Variants in SH3PXD2A observed in about 807,000 individuals in gnomAD.
SH3PXD2A encodes SH3 and PX domains 2A.
Under a neutral mutation model 115.2 loss-of-function variants are expected in SH3PXD2A, and 32 were observed. The ratio of observed to expected loss-of-function variants is 0.28; its 90% CI spans 0.21 to 0.37. The LOEUF (loss-of-function observed/expected upper bound fraction) is 0.37. Ranked by LOEUF, SH3PXD2A falls within the 10% of genes least tolerant of loss-of-function variation. The pLI, the probability that SH3PXD2A is intolerant of heterozygous loss-of-function variation, is 1.00. For missense variants in SH3PXD2A, 1,328 were observed against 1,498.7 expected (o/e 0.89, Z 1.88); for synonymous variants, 610 against 629.1 (o/e 0.97, Z 0.45).
chr10:103,687,777 T>C (rs1182533445), intron 6 of SH3PXD2A, among the ~76,000 whole-genome samples: 3 of 152,184 alleles, frequency 2.0e-5, no homozygotes, highest in African/African-American at 7.2e-5. Flanking sequence ...ATGGTGCTGC[T>C]TCACCCTATT....
intron 1 of SH3PXD2A, among the ~76,000 whole-genome samples, chr10:103,835,195 C>T (rs1564900480): frequency 6.6e-6 from 1 of 152,272 alleles, no homozygotes; most frequent in East Asian, 1.9e-4. Context: ...CCAAAGGGTA[C>T]GAAAGGCCCA....
chr10:103,752,847 C>T (rs1365393245), intron 3 of SH3PXD2A, among the ~76,000 whole-genome samples: 3 of 152,152 alleles, frequency 2.0e-5, no homozygotes, highest in Non-Finnish European at 4.4e-5. Flanking sequence ...TTCCAGAATT[C>T]AATTATTTCC....
chr10:103,627,667 C>T lies in SH3PXD2A; in HGVS notation c.605-465G>A, dbSNP rs1326959978. 2.6e-5 allele frequency among the ~76,000 whole-genome samples: 4 copies of T among 152,218 alleles called. No homozygotes were observed. The highest frequency in any genetic ancestry group is 2.1e-4 in the South Asian group (1 of 4,828). On this transcript the variant is annotated intron_variant, in intron 8 of 14. Transcript: ENST00000369774. This position sits in a 1 kb window ranked among gnomAD's most constrained non-coding sequence, Gnocchi z 4.4. ...GTCAACGGTTGCCTTTTCCCCATCG[C>T]GGGTCAGCGGTACCTTCGCATTGGT...
At chr10:103,694,139 T>C (rs1370460518) in intron 5 of SH3PXD2A, among the ~76,000 whole-genome samples, 1 of 152,148 alleles carries the variant, frequency 6.6e-6, no homozygotes, top group Non-Finnish European at 1.5e-5. Flanking sequence ...CAGGGAACAG[T>C]GGAGGGGCTG....
intron 5 of SH3PXD2A, among the ~76,000 whole-genome samples, chr10:103,719,705 C>CTTTTTT (rs771190727): frequency 7.3e-6 from 1 of 136,450 alleles, no homozygotes. Context: ...ATTTCTTTTT[C>CTTTTTT]TTTTTTTTTT....
intron 2 of SH3PXD2A, among the ~76,000 whole-genome samples, chr10:103,772,200 G>A (rs2038830373): frequency 6.6e-6 from 1 of 152,194 alleles, no homozygotes; most frequent in Non-Finnish European, 1.5e-5. Context: ...GGCGGTGAGA[G>A]ACAGTTCAAA....
chr10:103,622,622 AG>A, intron 9 of SH3PXD2A, 69 bp from the exon 10 acceptor site: 1 of 615,966 alleles, frequency 1.6e-6, no homozygotes, highest in Non-Finnish European at 2.8e-6. Flanking sequence ...GATGAGGATG[AG>A]ATGGGATGGG....
At chr10:103,807,314 G>A (rs2039216394) in intron 1 of SH3PXD2A, among the ~76,000 whole-genome samples, 1 of 152,210 alleles carries the variant, frequency 6.6e-6, no homozygotes, top group South Asian at 2.1e-4. Flanking sequence ...GCTACAAAAT[G>A]TACAATGAGA....
chr10:103,825,177 AT>A (rs2039417967), intron 1 of SH3PXD2A, among the ~76,000 whole-genome samples: 1 of 152,180 alleles, frequency 6.6e-6, no homozygotes, highest in South Asian at 2.1e-4. Context: ...TTGGAGAGGC[AT>A]TTATACTGCT....
At chr10:103,654,708 T>C (rs1301078076) in intron 8 of SH3PXD2A, among the ~76,000 whole-genome samples, 1 of 152,200 alleles carries the variant, frequency 6.6e-6, no homozygotes, top group African/African-American at 2.4e-5. Context: ...TAAGCCACCA[T>C]TCCTGGCCCT....
chr10:103,699,001 G>A (rs1348194116), intron 5 of SH3PXD2A, among the ~76,000 whole-genome samples: 1 of 152,172 alleles, frequency 6.6e-6, no homozygotes, highest in Non-Finnish European at 1.5e-5. Flanking sequence ...GCAAGGCTGA[G>A]CAGGGCTTTG....
intron 1 of SH3PXD2A, among the ~76,000 whole-genome samples, chr10:103,832,756 G>T (rs941675738): frequency 2.6e-5 from 4 of 152,170 alleles, no homozygotes; most frequent in Non-Finnish European, 5.9e-5. Flanking sequence ...GGGGCAGGGT[G>T]GGGGAGGGAA....
At chr10:103,703,580 A>G (rs1370639157) in intron 5 of SH3PXD2A, among the ~76,000 whole-genome samples, 4 of 151,588 alleles carry the variant, frequency 2.6e-5, no homozygotes, top group East Asian at 2.0e-4. Context: ...TCTGTCCCCA[A>G]CAGTGGTGCC....
chr10:103,614,652 C>T (rs910358565), intron 11 of SH3PXD2A, among the ~76,000 whole-genome samples: 2 of 152,136 alleles, frequency 1.3e-5, no homozygotes, highest in East Asian at 1.9e-4. Context: ...GTCCAGTAGT[C>T]GCTGGCCAGT....
chr10:103,604,864 AT>A (rs2036276857), intron 14 of SH3PXD2A, among the ~76,000 whole-genome samples: 3 of 152,158 alleles, frequency 2.0e-5, no homozygotes. Context: ...AGAGAGAATG[AT>A]TTTTCTTGGA....
intron 2 of SH3PXD2A, among the ~76,000 whole-genome samples, chr10:103,795,273 C>T (rs2039075023): frequency 6.6e-6 from 1 of 152,012 alleles, no homozygotes; most frequent in Non-Finnish European, 1.5e-5. Flanking sequence ...TAGTGGCCAC[C>T]GCGTTGGACA....
At chr10:103,851,469 G>A (rs1282440012) in intron 1 of SH3PXD2A, among the ~76,000 whole-genome samples, 1 of 152,134 alleles carries the variant, frequency 6.6e-6, no homozygotes, top group East Asian at 1.9e-4. Context: ...CATGGAACAG[G>A]GCTGAGCCTG....
chr10:103,839,822 C>G (rs1474307538), intron 1 of SH3PXD2A, among the ~76,000 whole-genome samples: 1 of 152,228 alleles, frequency 6.6e-6, no homozygotes. Flanking sequence ...GCAGCCGAAC[C>G]AGGGGGCAAA....
intron 2 of SH3PXD2A, among the ~76,000 whole-genome samples, chr10:103,796,924 C>T (rs1310817663): frequency 6.9e-6 from 1 of 144,652 alleles, no homozygotes; most frequent in African/African-American, 2.6e-5. Flanking sequence ...TGCAGTGGCG[C>T]AATCACAGCT....
Sources: allele counts gnomAD v4.1 joint callset (sites outside exome capture counted in the v4.1 genomes callset), GRCh38; gene constraint gnomAD v4.1.1; non-coding constraint Gnocchi (gnomAD v3.1); transcripts MANE v1.5; gene names NCBI Gene and HGNC (gene_info 2026-07-23, HGNC 2026-07-21).